The following PCDH7 variants were observed in gnomAD, a reference collection of about 807,000 sequenced individuals.
PCDH7 encodes protocadherin 7.
Under a neutral mutation model 58.9 loss-of-function variants are expected in PCDH7, and 17 were observed. The ratio of observed to expected loss-of-function variants is 0.29; its 90% CI spans 0.20 to 0.43. The LOEUF (loss-of-function observed/expected upper bound fraction) is 0.43, where lower values mean the gene tolerates loss of function less well. Ranked by LOEUF, PCDH7 falls within the 20% of genes least tolerant of loss-of-function variation. The probability of loss-of-function intolerance (pLI) is 1.00; values close to 1 mark genes in which losing one functional copy is unlikely to be tolerated. For missense variants in PCDH7, 1,274 were observed against 1,441.0 expected (o/e 0.88, Z 1.88); for synonymous variants, 664 against 616.4 (o/e 1.08, Z -1.14).
At chr4:31,041,080 G>T (rs1302000000) in intron 3 of PCDH7, among the ~76,000 whole-genome samples, 1 of 152,156 alleles carries the variant, frequency 6.6e-6, no homozygotes, top group Non-Finnish European at 1.5e-5. Flanking sequence ...TTAAAATTCT[G>T]TAATACTTCA....
chr4:30,771,546 C>T (rs1439480530), intron 1 of PCDH7, among the ~76,000 whole-genome samples: 3 of 152,126 alleles, frequency 2.0e-5, no homozygotes, highest in Non-Finnish European at 4.4e-5. Context: ...CTATTCTCCT[C>T]CTGGAGCTCT....
intron 1 of PCDH7, among the ~76,000 whole-genome samples, chr4:30,797,446 T>A (rs1417634923): frequency 6.6e-6 from 1 of 151,952 alleles, no homozygotes; most frequent in Non-Finnish European, 1.5e-5. Context: ...CTAATTTTTT[T>A]TGTAGTTTTA....
intron 3 of PCDH7, among the ~76,000 whole-genome samples, chr4:30,983,541 A>T (rs1455547487): frequency 6.6e-6 from 1 of 152,214 alleles, no homozygotes; most frequent in Non-Finnish European, 1.5e-5. Flanking sequence ...AAAAGAGCAT[A>T]CTTATACATT....
intron 1 of PCDH7, among the ~76,000 whole-genome samples, chr4:30,795,357 G>A (rs765498782): frequency 6.6e-6 from 1 of 152,040 alleles, no homozygotes; most frequent in Non-Finnish European, 1.5e-5. Context: ...AACATTTTAC[G>A]TATGACATAC....
intron 1 of PCDH7, among the ~76,000 whole-genome samples, chr4:30,826,705 T>C (rs1297626007): frequency 1.3e-5 from 2 of 152,046 alleles, no homozygotes; most frequent in Admixed American, 1.3e-4. Flanking sequence ...AATCTGACTA[T>C]TGATTACCCT....
intron 1 of PCDH7, among the ~76,000 whole-genome samples, chr4:30,896,588 AT>A (rs1739415465): frequency 1.3e-5 from 2 of 152,262 alleles, no homozygotes; most frequent in South Asian, 4.2e-4. Flanking sequence ...TTAAACAGTA[AT>A]TTAACTAATT....
chr4:30,852,644 G>C (rs753564363), intron 1 of PCDH7, among the ~76,000 whole-genome samples: 2 of 151,758 alleles, frequency 1.3e-5, no homozygotes, highest in African/African-American at 4.8e-5. Flanking sequence ...AAGGAGGAAG[G>C]ACTTTAAAAC....
intron 3 of PCDH7, among the ~76,000 whole-genome samples, chr4:30,999,841 A>G (rs1472327975): frequency 6.6e-6 from 1 of 152,126 alleles, no homozygotes; most frequent in Non-Finnish European, 1.5e-5. Flanking sequence ...TGTATTTTAA[A>G]GCACCTAATT....
intron 3 of PCDH7, among the ~76,000 whole-genome samples, chr4:31,130,840 C>T (rs1416069801): frequency 2.0e-5 from 3 of 152,148 alleles, no homozygotes; most frequent in African/African-American, 7.2e-5. Context: ...CTAAGAAGCC[C>T]TGTGATTAAA....
chr4:31,081,471 A>G (rs1759499932), intron 3 of PCDH7, among the ~76,000 whole-genome samples: 1 of 152,210 alleles, frequency 6.6e-6, no homozygotes, highest in South Asian at 2.1e-4. Flanking sequence ...AACATTACAT[A>G]ACATCTTCTT....
chr4:30,998,706 C>G (rs976473763), intron 3 of PCDH7, among the ~76,000 whole-genome samples: 1 of 152,054 alleles, frequency 6.6e-6, no homozygotes, highest in Non-Finnish European at 1.5e-5. Flanking sequence ...ATTTTCAGAG[C>G]AGAACCCTCA....
At chr4:30,736,603 T>A (rs917948152), downstream of PCDH7, among the ~76,000 whole-genome samples, 3 of 150,886 alleles carry the variant, frequency 2.0e-5, no homozygotes, top group Admixed American at 6.6e-5. Context: ...TTCCGCGATC[T>A]CGGCTCACTG....
chr4:30,998,399 G>T (rs1015020407), intron 3 of PCDH7, among the ~76,000 whole-genome samples: 2 of 152,180 alleles, frequency 1.3e-5, no homozygotes, highest in Non-Finnish European at 1.5e-5. Context: ...GAAGGGTAGT[G>T]ACTGAAATAC....
At chr4:30,783,870 G>A (rs1328440459) in intron 1 of PCDH7, among the ~76,000 whole-genome samples, 2 of 152,132 alleles carry the variant, frequency 1.3e-5, no homozygotes, top group East Asian at 1.9e-4. Context: ...AATGGAAGCT[G>A]AGTGAGACAC....
intron 1 of PCDH7, among the ~76,000 whole-genome samples, chr4:30,852,644 G>T (rs753564363): frequency 5.9e-5 from 9 of 151,758 alleles, no homozygotes; most frequent in Non-Finnish European, 1.2e-4. Context: ...AAGGAGGAAG[G>T]ACTTTAAAAC....
At chr4:30,890,635 C>G (rs965996794) in intron 1 of PCDH7, among the ~76,000 whole-genome samples, 2 of 151,842 alleles carry the variant, frequency 1.3e-5, no homozygotes, top group Non-Finnish European at 2.9e-5. Flanking sequence ...GTTCAGATCA[C>G]TAGTTTGTTT....
At chr4:31,065,459 C>G (rs1758007259) in intron 3 of PCDH7, among the ~76,000 whole-genome samples, 1 of 151,912 alleles carries the variant, frequency 6.6e-6, no homozygotes, top group African/African-American at 2.4e-5. Context: ...CCTCCACTTA[C>G]CTGTTGCTAA....
intron 3 of PCDH7, among the ~76,000 whole-genome samples, chr4:30,980,878 C>T (rs1416633862): frequency 6.6e-6 from 1 of 152,160 alleles, no homozygotes; most frequent in Non-Finnish European, 1.5e-5. Flanking sequence ...GAATCTCGCT[C>T]TGTCACCCAG....
At chr4:30,837,947 T>C (rs1169580272) in intron 1 of PCDH7, among the ~76,000 whole-genome samples, 2 of 150,116 alleles carry the variant, frequency 1.3e-5, no homozygotes, top group Non-Finnish European at 3.0e-5. Context: ...CATTAATGTC[T>C]TATATGAGAC....
Sources: allele counts gnomAD v4.1 joint callset (sites outside exome capture counted in the v4.1 genomes callset), GRCh38; gene constraint gnomAD v4.1.1; transcripts MANE v1.5; gene names NCBI Gene and HGNC (gene_info 2026-07-23, HGNC 2026-07-21).